The following ADGRV1 variants were observed in gnomAD, a reference collection of about 807,000 sequenced individuals.
The protein encoded by ADGRV1 is adhesion G protein-coupled receptor V1.
ADGRV1 carries 359 observed loss-of-function variants against 596.2 expected under a neutral mutation model. The observed-to-expected ratio is 0.60, with a 90% CI of 0.55 to 0.66. ADGRV1 has a LOEUF of 0.66. Among genes scored for constraint, ADGRV1 ranks in the 30% least tolerant of loss-of-function variants. The probability of loss-of-function intolerance (pLI) is 0.00; values close to 1 mark genes in which losing one functional copy is unlikely to be tolerated. For synonymous variants in ADGRV1, 2,681 were observed against 2,679.2 expected, an observed-to-expected ratio of 1.00 and a Z score of -0.02; for missense variants, 7,274 against 7,575.6, an observed-to-expected ratio of 0.96 and a Z score of 1.48.
At chr5:91,120,764 A>G (rs1388176624) in intron 87 of ADGRV1, among the ~76,000 whole-genome samples, 1 of 152,152 alleles carries the variant, frequency 6.6e-6, no homozygotes, top group Non-Finnish European at 1.5e-5. Context: ...GATGCAGGGG[A>G]GGCAAAAAGT....
At chr5:90,703,621 TA>T in intron 34 of ADGRV1, 43 bp from the exon 35 acceptor site, 3 of 1,459,142 alleles carry the variant, frequency 2.1e-6, no homozygotes, top group Non-Finnish European at 2.8e-6. Flanking sequence ...ATGTGAAGTT[TA>T]TTTTCCATTA....
chr5:91,006,654 A>C (rs771059428), intron 85 of ADGRV1, among the ~76,000 whole-genome samples: 2 of 152,230 alleles, frequency 1.3e-5, no homozygotes, highest in Non-Finnish European at 2.9e-5. Context: ...GCTACAGATT[A>C]TTCACAACAA....
At position 90,855,876 on chromosome 5, in the gene ADGRV1, C is replaced by T. The variant is rs1766976505; in HGVS notation, c.17730C>T (p.Phe5910=). Residue 5910 remains phenylalanine, a synonymous_variant, in exon 82 of 90, where the codon TTC becomes TTT. Transcript: ENST00000405460. Reference sequence around the variant, plus strand: ...TGTCTTCATACAATGAAGCCTTCTTCACTTCTGGATTTATATGTATCTCAG... The same window carrying T: ...TGTCTTCATACAATGAAGCCTTCTTTACTTCTGGATTTATATGTATCTCAG... The part of the protein sequence containing the change: ...DNLSSYNEAF[F]TSGFICISGL... 6.2e-7 allele frequency: 1 copy of T among 1,612,774 alleles called. No individual in the cohort carries two copies. The highest frequency in any genetic ancestry group is 1.3e-5 in the African/African-American group (1 of 74,896).
intron 86 of ADGRV1, among the ~76,000 whole-genome samples, chr5:91,086,639 T>C (rs1379442910): frequency 6.6e-6 from 1 of 152,176 alleles, no homozygotes; most frequent in Non-Finnish European, 1.5e-5. Flanking sequence ...TCTTACTCTT[T>C]TCTGATTTGA....
intron 23 of ADGRV1, among the ~76,000 whole-genome samples, chr5:90,675,008 T>G (rs1773018237): frequency 6.6e-6 from 1 of 152,212 alleles, no homozygotes; most frequent in Non-Finnish European, 1.5e-5. Flanking sequence ...AAGAAAAGCT[T>G]TCTTTGAGTA....
intron 78 of ADGRV1, among the ~76,000 whole-genome samples, chr5:90,844,975 T>C (rs1174009862): frequency 1.3e-5 from 2 of 152,250 alleles, no homozygotes; most frequent in Non-Finnish European, 2.9e-5. Flanking sequence ...GAATTAGTTT[T>C]TACACTTGAT....
At chr5:90,942,162 TA>T (rs1776214357) in intron 83 of ADGRV1, among the ~76,000 whole-genome samples, 1 of 152,250 alleles carries the variant, frequency 6.6e-6, no homozygotes, top group Non-Finnish European at 1.5e-5. Context: ...TTATGAAAGC[TA>T]ATCTGTACTG....
intron 83 of ADGRV1, among the ~76,000 whole-genome samples, chr5:90,903,285 A>T (rs1772019721): frequency 6.6e-6 from 1 of 152,090 alleles, no homozygotes; most frequent in African/African-American, 2.4e-5. Context: ...TCATTACTCC[A>T]AAATATTTCC....
At chr5:90,706,157 CA>C (rs768584669) in intron 37 of ADGRV1, 73 bp from the exon 38 acceptor site, 383 of 1,400,982 alleles carry the variant, frequency 2.7e-4, no homozygotes, top group Non-Finnish European at 3.4e-4. Flanking sequence ...TTAGGAAAGG[CA>C]AAAAATTCAC....
At chr5:90,601,835 G>A (rs1471999265) in intron 1 of ADGRV1, among the ~76,000 whole-genome samples, 3 of 152,180 alleles carry the variant, frequency 2.0e-5, no homozygotes, top group Non-Finnish European at 2.9e-5. Flanking sequence ...TGGTTTGCAA[G>A]TGATACTGCT....
At position 90,823,565 on chromosome 5, in the gene ADGRV1, G is replaced by C. The variant is rs1385789921; in HGVS notation, c.16337G>C (p.Cys5446Ser). ...ACCTGTACAATGGGTCAAACAAAAT[G>C]CTTTATCAGCATTGAACTCAAACCA... is the stretch of plus-strand genomic sequence containing the variant. ...TTTCTMGQTK[C>S]FISIELKPEK... is the part of the protein sequence containing the mutation. Residue 5446 changes from cysteine (C) to serine (S), a missense_variant, in exon 76 of 90, where the codon TGC (cysteine) becomes TCC (serine). By Grantham distance (112) the Cys-to-Ser change is moderately radical (BLOSUM62 -1). Coordinates refer to ENST00000405460, the MANE Select transcript of ADGRV1 (RefSeq NM_032119.4). 4.3e-6 allele frequency: 7 copies of C among 1,613,898 alleles called. No homozygotes were observed. In the East Asian group the frequency reaches 6.7e-5, roughly 15 times the overall value.
intron 37 of ADGRV1, 92 bp downstream of exon 37, chr5:90,705,671 G>A (rs1748494197): frequency 1.0e-6 from 1 of 965,962 alleles, no homozygotes; most frequent in Non-Finnish European, 1.5e-6. Flanking sequence ...AAATAAATCG[G>A]GGACAGGAGA....
At chr5:90,768,529 C>T (rs1757374988) in intron 59 of ADGRV1, among the ~76,000 whole-genome samples, 1 of 152,174 alleles carries the variant, frequency 6.6e-6, no homozygotes, top group South Asian at 2.1e-4. Flanking sequence ...CGGTACATCC[C>T]AGGTTGTACC....
At chr5:90,851,102 G>GGGGTGTGTGT (rs1554136388) in intron 79 of ADGRV1, among the ~76,000 whole-genome samples, 36 of 50,642 alleles carry the variant, frequency 7.1e-4, no homozygotes, top group African/African-American at 1.8e-3. Context: ...AGCTAGGTAG[G>GGGGTGTGTGT]GTGTGTGTGT....
intron 77 of ADGRV1, among the ~76,000 whole-genome samples, chr5:90,838,176 A>G (rs1250356339): frequency 6.6e-6 from 1 of 152,034 alleles, no homozygotes; most frequent in African/African-American, 2.4e-5. Flanking sequence ...TAGATTTTTG[A>G]GTTATTTCCT....
intron 1 of ADGRV1, among the ~76,000 whole-genome samples, chr5:90,610,032 C>T (rs1210217642): frequency 6.6e-6 from 1 of 151,770 alleles, no homozygotes; most frequent in Non-Finnish European, 1.5e-5. Context: ...TACTCTCTTC[C>T]TTATTCTACT....
At chr5:90,795,434 G>A (rs186603435) in intron 70 of ADGRV1, among the ~76,000 whole-genome samples, 1 of 152,194 alleles carries the variant, frequency 6.6e-6, no homozygotes, top group African/African-American at 2.4e-5. Context: ...GGCTGCTGGG[G>A]TCAGACTGCC....
chr5:91,035,341 A>T (rs1367076128), intron 85 of ADGRV1, among the ~76,000 whole-genome samples: 3 of 152,124 alleles, frequency 2.0e-5, no homozygotes, highest in African/African-American at 7.2e-5. Flanking sequence ...TTCCCAATGG[A>T]CTATTAAGGA....
chr5:91,053,040 G>A (rs1271731862), intron 85 of ADGRV1, among the ~76,000 whole-genome samples: 2 of 152,140 alleles, frequency 1.3e-5, no homozygotes, highest in African/African-American at 4.8e-5. Flanking sequence ...CACTTCCTAA[G>A]GCCCCTCCAC....
Sources: gnomAD v4.1 joint callset for allele counts (sites outside exome capture counted in the v4.1 genomes callset) on GRCh38, gnomAD v4.1.1 for gene constraint, MANE v1.5 for transcripts, NCBI Gene and HGNC (gene_info 2026-07-23, HGNC 2026-07-21) for gene names.